Variants in LARS2 observed in about 807,000 individuals in gnomAD.
The protein encoded by LARS2 is leucine--tRNA ligase, mitochondrial.
Under a neutral mutation model 116.6 loss-of-function variants are expected in LARS2, and 81 were observed. The observed-to-expected ratio is 0.69, with a 90% CI of 0.58 to 0.84. The LOEUF is 0.84. Ranked by LOEUF, LARS2 falls within the 40% of genes least tolerant of loss-of-function variation. The pLI is 0.00. For missense variants in LARS2, 968 were observed against 1,114.5 expected, an observed-to-expected ratio of 0.87 and a Z score of 1.87; for synonymous variants, 396 against 407.2, an observed-to-expected ratio of 0.97 and a Z score of 0.33.
At chr3:45,497,709 C>T (rs1700038303) in intron 14 of LARS2, among the ~76,000 whole-genome samples, 1 of 152,018 alleles carries the variant, frequency 6.6e-6, no homozygotes, top group Admixed American at 6.6e-5. Flanking sequence ...GAGTTGGAGA[C>T]CAGCCTGACT....
chr3:45,490,903 CG>C, intron 12 of LARS2, among the ~76,000 whole-genome samples: 1 of 152,344 alleles, frequency 6.6e-6, no homozygotes, highest in East Asian at 1.9e-4. Context: ...GTCTATAAAA[CG>C]GGAGCATTTA....
At chr3:45,426,595 T>C (rs1698598251) in intron 6 of LARS2, among the ~76,000 whole-genome samples, 1 of 152,226 alleles carries the variant, frequency 6.6e-6, no homozygotes, top group African/African-American at 2.4e-5. Context: ...AGGGGTAGTG[T>C]AGTCTGTCAC....
rs267219 is a variant in LARS2 at position 45,524,373 on chromosome 3, G to A, written c.2404+265G>A. ...GATGTTACCATCTTAATCCCTTCTC[G>A]TGACTCAGCCCCCCAGTATCCACAT... On this transcript the variant is annotated intron_variant, in intron 20 of 21. Coordinates refer to ENST00000645846, the MANE Select transcript of LARS2 (RefSeq NM_015340.4). 0.8 allele frequency among the ~76,000 whole-genome samples: 121,861 copies of A among 152,112 alleles called. 52,920 individuals carry two copies. The highest frequency in any genetic ancestry group is 0.98 in the East Asian group (5,059 of 5,186).
chr3:45,539,600 C>T (rs1190666551), intron 20 of LARS2, among the ~76,000 whole-genome samples: 1 of 152,088 alleles, frequency 6.6e-6, no homozygotes, highest in Non-Finnish European at 1.5e-5. Flanking sequence ...CACTGCACTC[C>T]AGCCTGGATG....
intron 4 of LARS2, among the ~76,000 whole-genome samples, chr3:45,416,729 T>C (rs763689243): frequency 6.6e-6 from 1 of 152,186 alleles, no homozygotes; most frequent in Non-Finnish European, 1.5e-5. Context: ...AGTTTAAATG[T>C]AATAGCTATG....
Position 45,520,260 on chromosome 3 carries a change from A to T in LARS2, c.2256A>T (p.Ala752=), listed in dbSNP as rs1256653323. 5 of 1,613,730 alleles carry T rather than the reference A, an allele frequency of 3.1e-6. No individual in the cohort carries two copies. The highest frequency in any genetic ancestry group is 4.2e-6 in the Non-Finnish European group (5 of 1,179,676). The part of the protein sequence containing the change: ...HFTEDFSLNS[A]ISQLMGLSNA... ...CAGAGGACTTCTCACTGAATTCTGCAATTTCTCAGCTGATGGGACTCAGCA... is the reference window on the plus strand; with the variant it reads ...CAGAGGACTTCTCACTGAATTCTGCTATTTCTCAGCTGATGGGACTCAGCA... Residue 752 remains alanine (A), a synonymous_variant, in exon 19 of 22, where the codon GCA becomes GCT. Transcript: ENST00000645846.
chr3:45,517,355 G>C (rs1024118659), intron 17 of LARS2, among the ~76,000 whole-genome samples: 1 of 152,208 alleles, frequency 6.6e-6, no homozygotes, highest in Non-Finnish European at 1.5e-5. Context: ...AAGCCATTCA[G>C]CTTTACCAGA....
intron 20 of LARS2, among the ~76,000 whole-genome samples, chr3:45,535,072 T>C (rs565717623): frequency 6.6e-6 from 1 of 152,160 alleles, no homozygotes; most frequent in Non-Finnish European, 1.5e-5. Context: ...GAAAATCATC[T>C]AACAGGCACA....
intron 20 of LARS2, among the ~76,000 whole-genome samples, chr3:45,538,716 G>A (rs2125769658): frequency 6.6e-6 from 1 of 152,306 alleles, no homozygotes; most frequent in African/African-American, 2.4e-5. Context: ...GTGCCAGGTA[G>A]TAAAACATGG....
At chr3:45,390,838 G>A (rs1697931553) in intron 1 of LARS2, among the ~76,000 whole-genome samples, 1 of 150,486 alleles carries the variant, frequency 6.6e-6, no homozygotes, top group South Asian at 2.1e-4. Flanking sequence ...ACTTTTAGTA[G>A]AGACGTGGTT....
chr3:45,532,203 G>A (rs1700625880), intron 20 of LARS2, among the ~76,000 whole-genome samples: 1 of 152,184 alleles, frequency 6.6e-6, no homozygotes, highest in African/African-American at 2.4e-5. Flanking sequence ...CGCTTCCCTG[G>A]TTAGATGTGA....
chr3:45,419,621 C>A, intron 5 of LARS2, 48 bp from the exon 6 acceptor site: 2 of 1,368,382 alleles, frequency 1.5e-6, no homozygotes, highest in Non-Finnish European at 1.0e-6. Flanking sequence ...TTGTGTATGG[C>A]TTTAATCCCC....
chr3:45,535,318 A>C (rs1046310025), intron 20 of LARS2, among the ~76,000 whole-genome samples: 5 of 150,882 alleles, frequency 3.3e-5, no homozygotes, highest in African/African-American at 7.3e-5. Flanking sequence ...GTGCCACTGC[A>C]CTCCTGCCTG....
intron 11 of LARS2, among the ~76,000 whole-genome samples, chr3:45,488,426 C>T (rs1034131999): frequency 3.9e-5 from 6 of 152,094 alleles, no homozygotes; most frequent in Non-Finnish European, 7.3e-5. Context: ...GAGCAAGACT[C>T]TGTCTCAAAA....
At chr3:45,447,356 G>T (rs1207829028) in intron 7 of LARS2, among the ~76,000 whole-genome samples, 1 of 152,148 alleles carries the variant, frequency 6.6e-6, no homozygotes, top group Non-Finnish European at 1.5e-5. Flanking sequence ...TCCTTGTGGG[G>T]TACTATGGTT....
chr3:45,400,212 GC>G, intron 3 of LARS2, 32 bp from the exon 4 acceptor site: 1 of 1,597,718 alleles, frequency 6.3e-7, no homozygotes, highest in Non-Finnish European at 8.5e-7. Context: ...CCCAGAAAAT[GC>G]TTAATAAATA....
chr3:45,473,748 G>A lies in LARS2; in HGVS notation c.751-495G>A, dbSNP rs568166710. ...AGGAATCTTTGTGCTGTAGCCAAAT[G>A]TTTATACAAATTAATGTCATGTTTC... On this transcript the variant is annotated intron_variant, in intron 8 of 21. Coordinates refer to ENST00000645846, the MANE Select transcript of LARS2 (RefSeq NM_015340.4). Among the ~76,000 whole-genome samples the A allele has an allele frequency of 2.7e-4, 41 of 149,096 alleles. No individual in the cohort carries two copies. The South Asian group carries it at 7.3e-3, about 27-fold the overall frequency.
intron 4 of LARS2, among the ~76,000 whole-genome samples, chr3:45,404,838 C>T (rs1008378884): frequency 2.0e-5 from 3 of 152,100 alleles, no homozygotes; most frequent in African/African-American, 4.8e-5. Context: ...CAGCCTGCCT[C>T]GGCCTCTCAA....
intron 6 of LARS2, among the ~76,000 whole-genome samples, chr3:45,438,664 CAAAAA>C (rs34358676): frequency 3.7e-5 from 5 of 135,620 alleles, no homozygotes; most frequent in Non-Finnish European, 4.6e-5. Flanking sequence ...CTAAAAATAC[CAAAAA>C]AAAAAAAAAA....
Sources: allele counts gnomAD v4.1 joint callset (sites outside exome capture counted in the v4.1 genomes callset), GRCh38; gene constraint gnomAD v4.1.1; transcripts MANE v1.5; gene names NCBI Gene and HGNC (gene_info 2026-07-23, HGNC 2026-07-21).